The following GPR101 variants were observed in gnomAD, a reference collection of about 807,000 sequenced individuals.
The protein encoded by GPR101 is G protein-coupled receptor 101.
A neutral mutation model predicts 16.4 loss-of-function variants in GPR101; 8 were observed. That is an observed-to-expected ratio of 0.49 (90% confidence interval 0.29 to 0.88). The LOEUF is 0.88. Ranked by LOEUF, GPR101 falls within the 40% of genes least tolerant of loss-of-function variation. The pLI is 0.09. For missense variants in GPR101, 375 were observed against 411.7 expected, an observed-to-expected ratio of 0.91 and a Z score of 0.77; for synonymous variants, 155 against 168.7, an observed-to-expected ratio of 0.92 and a Z score of 0.63.
rs1403463565 is a variant in GPR101 at position 137,030,866 on chromosome X, A to G, written c.809T>C (p.Val270Ala). 8.3e-7 allele frequency: 1 copy of G among 1,208,562 alleles called. No individual in the cohort carries two copies. Among genetic ancestry groups the G allele is most frequent in the East Asian group, 3.0e-5 (1 of 33,724 alleles). The change falls in exon 2 of 2, where the codon GTC (valine) becomes GCC (alanine). Residue 270 changes from valine (V) to alanine (A), a missense_variant. By Grantham distance (64) the Val-to-Ala change is moderately conservative (BLOSUM62 0). Coordinates refer to ENST00000651716, the MANE Select transcript of GPR101 (RefSeq NM_054021.2). ...SEFRRQHEGE[V>A]KAKEGRMEAK... is the part of the protein sequence containing the mutation. ...TTCCATTCTGCCCTCCTTGGCCTTG[A>G]CCTCACCTTCATGCTGGCGGCGAAA...
chrX:137,033,941 C>G lies in GPR101; in HGVS notation c.-232G>C, dbSNP rs1194810747. ...GCGGGCGCTGCGGGCGCGGCAGGAG[C>G]GGGGCACAGCGTCTGTGCCCGCACG... On this transcript the variant is annotated 5_prime_UTR_variant, in exon 1 of 2. Coordinates refer to ENST00000651716, the MANE Select transcript of GPR101 (RefSeq NM_054021.2). Among the ~76,000 whole-genome samples the G allele has an allele frequency of 9.0e-6, 1 of 111,569 alleles. No homozygotes were observed. Among genetic ancestry groups the G allele is most frequent in the Non-Finnish European group, 1.9e-5 (1 of 52,728 alleles).
At position 137,027,513 on chromosome X, in the gene GPR101, T is replaced by C. The variant is rs1374458355; in HGVS notation, c.*2635A>G. On this transcript the variant is annotated 3_prime_UTR_variant, in exon 2 of 2. Transcript: ENST00000651716. Reference sequence around the variant, plus strand: ...CAAAATAGCAAAAAATTTCGAGTACTTGCTATCTCCAAGCTAACCATAGGC... The same window carrying C: ...CAAAATAGCAAAAAATTTCGAGTACCTGCTATCTCCAAGCTAACCATAGGC... Among the ~76,000 whole-genome samples, 14 of 111,710 alleles carry C rather than the reference T, an allele frequency of 1.3e-4. No homozygotes were observed. Among genetic ancestry groups the C allele is most frequent in the Non-Finnish European group, 3.8e-5 (2 of 53,174 alleles).
rs377596671 is a variant in GPR101 at position 137,030,536 on chromosome X, C to T, written c.1139G>A (p.Arg380His). ...VNIPESLPPS[R>H]RNSNSNPPLP... The stretch of plus-strand genomic sequence containing the variant: ...AGGAGGGTTGCTGTTGCTGTTACGA[C>T]GACTGGGTGGGAGGCTCTCCGGGAT... Residue 380 changes from arginine to histidine, a missense_variant, in exon 2 of 2, where the codon CGT (arginine) becomes CAT (histidine). Physicochemically the swap from Arg to His is conservative, Grantham distance 29. Transcript: ENST00000651716. 55 of 1,208,471 alleles carry T rather than the reference C, an allele frequency of 4.6e-5. No homozygotes were observed. In the South Asian group the frequency reaches 5.7e-4, roughly 12 times the overall value.
chrX:137,031,087 G>A lies in GPR101; in HGVS notation c.588C>T (p.Ser196=), dbSNP rs1353811532. The change falls in exon 2 of 2, where the codon AGC becomes AGT. Residue 196 remains serine, a synonymous_variant. Transcript: ENST00000651716. Reference sequence around the variant, plus strand: ...GTGGAATGACGATGAAGGACACCACGCTGAGAATAGTGTAGCTGGGGCTGG... The same window carrying A: ...GTGGAATGACGATGAAGGACACCACACTGAGAATAGTGTAGCTGGGGCTGG... ...WGASPSYTIL[S]VVSFIVIPLI... 8.3e-7 allele frequency: 1 copy of A among 1,210,549 alleles called. No individual in the cohort carries two copies. The highest frequency in any genetic ancestry group is 1.7e-5 in the African/African-American group (1 of 57,368).
chrX:137,030,966 G>A lies in GPR101; in HGVS notation c.709C>T (p.Arg237Ter). 1.7e-6 allele frequency: 2 copies of A among 1,211,485 alleles called. No individual in the cohort carries two copies. Among genetic ancestry groups the A allele is most frequent in the South Asian group, 1.8e-5 (1 of 56,995 alleles). The stretch of plus-strand genomic sequence containing the variant: ...TCATTCTCCACACAGTCCTTGACTC[G>A]CACTTCCAAGCTGTGTCTCTTGACA... ...YNVKRHSLEV[R>*]VKDCVENEDE... Residue 237 changes from arginine to a stop codon, truncating the protein, a stop_gained, in exon 2 of 2, where the codon CGA (arginine) becomes TGA (stop). Coordinates refer to ENST00000651716, the MANE Select transcript of GPR101 (RefSeq NM_054021.2). LOFTEE classifies it high-confidence loss of function.
In GPR101 at chrX:137,030,700, G is replaced by A; in HGVS notation, c.975C>T (p.Thr325=). The part of the protein sequence containing the change: ...DGSMEGKEGS[T]KVEENSMKAD... ...CCTTCATGCTGTTCTCCTCAACTTT[G>A]GTGCTGCCTTCCTTACCCTCCATGC... Residue 325 remains threonine (T), a synonymous_variant, in exon 2 of 2, where the codon ACC becomes ACT. Coordinates refer to ENST00000651716, the MANE Select transcript of GPR101 (RefSeq NM_054021.2). 1.7e-6 allele frequency: 2 copies of A among 1,211,119 alleles called. No homozygotes were observed. Among genetic ancestry groups the A allele is most frequent in the Non-Finnish European group, 1.1e-6 (1 of 895,333 alleles).
rs1343824138 is a variant in GPR101, at chrX:137,025,486, A to G, written c.*4662T>C. Among the ~76,000 whole-genome samples the G allele has an allele frequency of 8.9e-6, 1 of 112,711 alleles. No individual in the cohort carries two copies. The highest frequency in any genetic ancestry group is 1.9e-5 in the Non-Finnish European group (1 of 53,371). ...CATTAAAGTTGTAGCACAGATGAAG[A>G]GGGGGGAAAATCCACTCACGTTTGA... is the stretch of plus-strand genomic sequence containing the variant. On this transcript the variant is annotated 3_prime_UTR_variant, in exon 2 of 2. Coordinates refer to ENST00000651716, the MANE Select transcript of GPR101 (RefSeq NM_054021.2).
At position 137,031,516 on chromosome X, in the gene GPR101, C is replaced by T; in HGVS notation, c.159G>A (p.Ala53=). 3 of 1,209,763 alleles carry T rather than the reference C, an allele frequency of 2.5e-6. No homozygotes were observed. Among genetic ancestry groups the T allele is most frequent in the Non-Finnish European group, 3.4e-6 (3 of 894,615 alleles). The change falls in exon 2 of 2, where the codon GCG becomes GCA. Residue 53 remains alanine, a synonymous_variant. Coordinates refer to ENST00000651716, the MANE Select transcript of GPR101 (RefSeq NM_054021.2). ...GCTGCGGCTTGCGCTGCAACACTAG[C>T]GCCAGCACTATGTTGCCGACGAAAG... ...AASFVGNIVL[A]LVLQRKPQLL...
In GPR101 at chrX:137,026,239, A is replaced by G. The variant is rs764591178; in HGVS notation, c.*3909T>C. Among the ~76,000 whole-genome samples, 1 of 112,500 alleles carries G rather than the reference A, an allele frequency of 8.9e-6. No individual in the cohort carries two copies. Among genetic ancestry groups the G allele is most frequent in the East Asian group, 2.8e-4 (1 of 3,597 alleles). On this transcript the variant is annotated 3_prime_UTR_variant, in exon 2 of 2. Transcript: ENST00000651716. ...TAAAGAGGAATACAACAGAAAAGACATTATGAGGGGAAAACACGTTATTTT... is the reference window on the plus strand; with the variant it reads ...TAAAGAGGAATACAACAGAAAAGACGTTATGAGGGGAAAACACGTTATTTT...
rs1316411596 is a variant in GPR101 at position 137,027,539 on chromosome X, C to A, written c.*2609G>T. Reference sequence around the variant, plus strand: ...TGCTATCTCCAAGCTAACCATAGGCCTTATTGTTCATTTAGAAGAAAATGT... The same window carrying A: ...TGCTATCTCCAAGCTAACCATAGGCATTATTGTTCATTTAGAAGAAAATGT... On this transcript the variant is annotated 3_prime_UTR_variant, in exon 2 of 2. Coordinates refer to ENST00000651716, the MANE Select transcript of GPR101 (RefSeq NM_054021.2). 1.8e-5 allele frequency among the ~76,000 whole-genome samples: 2 copies of A among 111,826 alleles called. No homozygotes were observed. Among genetic ancestry groups the A allele is most frequent in the East Asian group, 5.6e-4 (2 of 3,567 alleles).
Position 137,024,062 on chromosome X carries a change from A to T in GPR101, c.*6086T>A, listed in dbSNP as rs2148742542. Among the ~76,000 whole-genome samples the T allele has an allele frequency of 8.9e-6, 1 of 112,109 alleles. No individual in the cohort carries two copies. The highest frequency in any genetic ancestry group is 2.8e-4 in the East Asian group (1 of 3,572). The stretch of plus-strand genomic sequence containing the variant: ...AAATCACAAACATCAATTTCTCCGC[A>T]TTTCCCAAGCAGGAGTCCGTTATTC... On this transcript the variant is annotated 3_prime_UTR_variant, in exon 2 of 2. Coordinates refer to ENST00000651716, the MANE Select transcript of GPR101 (RefSeq NM_054021.2).
Position 137,030,577 on chromosome X carries a change from G to A in GPR101, c.1098C>T (p.Asp366=). Residue 366 remains aspartate, a synonymous_variant, in exon 2 of 2, where the codon GAC becomes GAT. Coordinates refer to ENST00000651716, the MANE Select transcript of GPR101 (RefSeq NM_054021.2). ...GEDDINFSED[D]VEAVNIPESL... ...TCTCCGGGATGTTCACTGCCTCGACGTCATCCTCACTGAAATTGATGTCGT... is the reference window on the plus strand; with the variant it reads ...TCTCCGGGATGTTCACTGCCTCGACATCATCCTCACTGAAATTGATGTCGT... The A allele has an allele frequency of 3.3e-6, 4 of 1,211,419 alleles. No individual in the cohort carries two copies. In the African/African-American group the frequency reaches 6.9e-5, roughly 21 times the overall value.
Position 137,030,412 on chromosome X carries a change from C to T in GPR101, c.1263G>A (p.Leu421=). 8.3e-7 allele frequency: 1 copy of T among 1,211,208 alleles called. No homozygotes were observed. Among genetic ancestry groups the T allele is most frequent in the Non-Finnish European group, 1.1e-6 (1 of 895,305 alleles). ...SLGPYCFLAV[L]AVWVDVETQV... Reference sequence around the variant, plus strand: ...GGGTTTCGACATCCACCCACACGGCCAGGACTGCTAAAAAGCAGTAGGGCC... The same window carrying T: ...GGGTTTCGACATCCACCCACACGGCTAGGACTGCTAAAAAGCAGTAGGGCC... The change falls in exon 2 of 2, where the codon CTG becomes CTA. Residue 421 remains leucine (L), a synonymous_variant. Coordinates refer to ENST00000651716, the MANE Select transcript of GPR101 (RefSeq NM_054021.2).
Position 137,030,090 on chromosome X carries a change from G to T in GPR101, c.*58C>A, listed in dbSNP as rs1198979499. The T allele has an allele frequency of 2.8e-6, 3 of 1,052,673 alleles. No homozygotes were observed. In the East Asian group the frequency reaches 9.2e-5, roughly 32 times the overall value. The allele number at this position is 1,052,673 out of a possible 1,213,427, so 86.8% of individuals were successfully genotyped here. A position where few individuals can be genotyped will look rare whatever the true frequency, so the allele number is the denominator to read the frequency against. On this transcript the variant is annotated 3_prime_UTR_variant, in exon 2 of 2. Transcript: ENST00000651716. ...TAATGAATTGTGGGTCCATTGAAAAGAAATCTCCTCTTGTTTCTCGTGTTA... is the reference window on the plus strand; with the variant it reads ...TAATGAATTGTGGGTCCATTGAAAATAAATCTCCTCTTGTTTCTCGTGTTA...
chrX:137,031,528 G>A lies in GPR101; in HGVS notation c.147C>T (p.Asn49=). The A allele has an allele frequency of 1.7e-6, 2 of 1,211,376 alleles. No individual in the cohort carries two copies. Among genetic ancestry groups the A allele is most frequent in the Non-Finnish European group, 2.2e-6 (2 of 895,364 alleles). ...GCTGCAACACTAGCGCCAGCACTATGTTGCCGACGAAAGAGGCGGCGAGGA... is the reference window on the plus strand; with the variant it reads ...GCTGCAACACTAGCGCCAGCACTATATTGCCGACGAAAGAGGCGGCGAGGA... ...VIFLAASFVG[N]IVLALVLQRK... Residue 49 remains asparagine (N), a synonymous_variant, in exon 2 of 2, where the codon AAC becomes AAT. Coordinates refer to ENST00000651716, the MANE Select transcript of GPR101 (RefSeq NM_054021.2).
At position 137,030,534 on chromosome X, in the gene GPR101, G is replaced by C. The variant is rs137929096; in HGVS notation, c.1141C>G (p.Arg381Gly). ...NIPESLPPSR[R>G]NSNSNPPLPR... Reference sequence around the variant, plus strand: ...AGAGGAGGGTTGCTGTTGCTGTTACGACGACTGGGTGGGAGGCTCTCCGGG... The same window carrying C: ...AGAGGAGGGTTGCTGTTGCTGTTACCACGACTGGGTGGGAGGCTCTCCGGG... The change falls in exon 2 of 2, where the codon CGT becomes GGT. Residue 381 changes from arginine to glycine, a missense_variant. Physicochemically the swap from Arg to Gly is moderately radical, Grantham distance 125 (BLOSUM62 -2). Coordinates refer to ENST00000651716, the MANE Select transcript of GPR101 (RefSeq NM_054021.2). 5.0e-6 allele frequency: 6 copies of C among 1,208,500 alleles called. No homozygotes were observed. In the African/African-American group the frequency reaches 5.3e-5, roughly 11 times the overall value.
Position 137,029,104 on chromosome X carries a change from A to G in GPR101, c.*1044T>C, listed in dbSNP as rs1255582729. Among the ~76,000 whole-genome samples, 1 of 112,492 alleles carries G rather than the reference A, an allele frequency of 8.9e-6. No homozygotes were observed. The highest frequency in any genetic ancestry group is 1.9e-5 in the Non-Finnish European group (1 of 53,320). ...GTCTATGATCTCATGGACACAAAAT[A>G]TATTTCTGATGAACAAATTATTCCT... is the stretch of plus-strand genomic sequence containing the variant. On this transcript the variant is annotated 3_prime_UTR_variant, in exon 2 of 2. Coordinates refer to ENST00000651716, the MANE Select transcript of GPR101 (RefSeq NM_054021.2).
Position 137,024,831 on chromosome X carries a change from A to C in GPR101, c.*5317T>G, listed in dbSNP as rs748146816. 1.8e-5 allele frequency among the ~76,000 whole-genome samples: 2 copies of C among 112,076 alleles called. No individual in the cohort carries two copies. The highest frequency in any genetic ancestry group is 6.5e-5 in the African/African-American group (2 of 30,859). ...TCACATTATGGATCTGCCAAGCGCG[A>C]AACCTGTCAGTTCACGGTCAGGTGT... On this transcript the variant is annotated 3_prime_UTR_variant, in exon 2 of 2. Transcript: ENST00000651716.
Position 137,030,376 on chromosome X carries a change from C to T in GPR101, c.1299G>A (p.Gln433=). The T allele has an allele frequency of 8.3e-7, 1 of 1,209,350 alleles. No homozygotes were observed. Reference sequence around the variant, plus strand: ...GCCAGATGATTATGGTGATCACCCACTGGGGTACCTGGGTTTCGACATCCA... The same window carrying T: ...GCCAGATGATTATGGTGATCACCCATTGGGGTACCTGGGTTTCGACATCCA... The part of the protein sequence containing the change: ...VWVDVETQVP[Q]WVITIIIWLF... The change falls in exon 2 of 2, where the codon CAG becomes CAA. Residue 433 remains glutamine (Q), a synonymous_variant. Transcript: ENST00000651716.
Sources: gnomAD v4.1 joint callset for allele counts (sites outside exome capture counted in the v4.1 genomes callset) on GRCh38, gnomAD v4.1.1 for gene constraint, MANE v1.5 for transcripts, NCBI Gene and HGNC (gene_info 2026-07-23, HGNC 2026-07-21) for gene names.